Variants in SHOC1 observed in about 807,000 individuals in gnomAD.
The protein encoded by SHOC1 is shortage in chiasmata 1, also known as protein shortage in chiasmata 1 ortholog.
A neutral mutation model predicts 179.2 loss-of-function variants in SHOC1; 136 were observed. The observed-to-expected ratio is 0.76, with a 90% CI of 0.66 to 0.87. The LOEUF is 0.87. Among genes scored for constraint, SHOC1 ranks in the 40% least tolerant of loss-of-function variants. SHOC1 has a pLI of 0.00. For missense variants in SHOC1, 1,538 were observed against 1,700.8 expected (o/e 0.90, Z 1.68); for synonymous variants, 489 against 586.6 (o/e 0.83, Z 2.41).
chr9:111,704,334 T>G (rs556900684), intron 21 of SHOC1, among the ~76,000 whole-genome samples: 1 of 152,274 alleles, frequency 6.6e-6, no homozygotes. Context: ...CAGAATTTCC[T>G]TTTTTTATTC....
At chr9:111,770,632 G>A (rs1052153549) in intron 5 of SHOC1, among the ~76,000 whole-genome samples, 1 of 152,048 alleles carries the variant, frequency 6.6e-6, no homozygotes, top group Non-Finnish European at 1.5e-5. Context: ...TGAGAGTGGG[G>A]TGTTAAAGTC....
chr9:111,747,251 A>G (rs1443901475), intron 9 of SHOC1, among the ~76,000 whole-genome samples: 2 of 152,188 alleles, frequency 1.3e-5, no homozygotes, highest in Non-Finnish European at 2.9e-5. Flanking sequence ...AGATCCAATT[A>G]TAAATGTAAT....
At chr9:111,691,504 TA>T (rs747850388) in intron 27 of SHOC1, 46 bp downstream of exon 27, 1 of 1,499,920 alleles carries the variant, frequency 6.7e-7, no homozygotes, top group Admixed American at 2.3e-5. Context: ...TTTTATCTTT[TA>T]AAATTAAATT....
intron 5 of SHOC1, among the ~76,000 whole-genome samples, chr9:111,771,145 T>C (rs1835590873): frequency 6.6e-6 from 1 of 152,176 alleles, no homozygotes; most frequent in Non-Finnish European, 1.5e-5. Flanking sequence ...TTTAATTTGT[T>C]GTTTTTTATT....
At chr9:111,780,367 G>A (rs1011358264) in intron 4 of SHOC1, among the ~76,000 whole-genome samples, 10 of 152,140 alleles carry the variant, frequency 6.6e-5, no homozygotes, top group Non-Finnish European at 8.8e-5. Flanking sequence ...TTATGCCTAC[G>A]TTTACAATGT....
intron 3 of SHOC1, among the ~76,000 whole-genome samples, chr9:111,783,963 AG>A (rs1836173673): frequency 6.6e-6 from 1 of 151,896 alleles, no homozygotes; most frequent in Non-Finnish European, 1.5e-5. Context: ...CTGAGATCAA[AG>A]GACGTGCTAG....
In SHOC1 at chr9:111,691,873, C is replaced by T; in HGVS notation, c.4104G>A (p.Glu1368=). The T allele has an allele frequency of 1.9e-6, 3 of 1,613,796 alleles. No individual in the cohort carries two copies. Among genetic ancestry groups the T allele is most frequent in the South Asian group, 1.1e-5 (1 of 91,054 alleles). The part of the protein sequence containing the change: ...WNFKKNIWEQ[E]NHPFNLQYGA... ...CATATTGTAAGTTGAACGGGTGATT[C>T]TCTTGTTCCCATATATTTTTCTTAA... Residue 1368 remains glutamate (E), a synonymous_variant, in exon 27 of 28, where the codon GAG becomes GAA. Coordinates refer to ENST00000682961, the MANE Select transcript of SHOC1 (RefSeq NM_001378211.1).
At chr9:111,753,569 G>C (rs1202670721) in intron 8 of SHOC1, among the ~76,000 whole-genome samples, 1 of 152,064 alleles carries the variant, frequency 6.6e-6, no homozygotes, top group African/African-American at 2.4e-5. Flanking sequence ...CAAAATACTA[G>C]TAAATTGTAT....
At position 111,748,096 on chromosome 9, in the gene SHOC1, T is replaced by C; in HGVS notation, c.966A>G (p.Lys322=). Residue 322 remains lysine, a synonymous_variant, in exon 9 of 28, where the codon AAA becomes AAG. Transcript: ENST00000682961. ...ATGATTTATCAAAATTTCTACCTGG[T>C]TTACTGCACTCTTCTGGTTCACTCT... ...QSQSEPEECS[K]PGELEMPLTP... 1 of 1,610,020 alleles carries C rather than the reference T, an allele frequency of 6.2e-7. No homozygotes were observed. Among genetic ancestry groups the C allele is most frequent in the Middle Eastern group, 1.7e-4 (1 of 6,054 alleles).
At chr9:111,714,718 G>T in intron 16 of SHOC1, 95 bp from the exon 17 acceptor site, 1 of 1,103,968 alleles carries the variant, frequency 9.1e-7, no homozygotes. Flanking sequence ...TCAAAGCAGA[G>T]ACAGTTAAAA....
rs1452730011 is a variant in SHOC1 at position 111,705,164 on chromosome 9, T to TACACACACACACAC, written c.2855+82_2855+83insGTGTGTGTGTGTGT. 23 of 81,410 alleles carry TACACACACACACAC rather than the reference T, an allele frequency of 2.8e-4. No homozygotes were observed. In the Admixed American group the frequency reaches 3.9e-3, roughly 14 times the overall value. The allele number at this position is 81,410 out of a possible 1,614,324, so 5.0% of individuals were successfully genotyped here. A position where few individuals can be genotyped will look rare whatever the true frequency, so the allele number is the denominator to read the frequency against. On this transcript the variant is annotated intron_variant, in intron 21 of 27. Transcript: ENST00000682961. ...CAGCATAATATTTAGCCTATCAGAA[T>TACACACACACACAC]ATATATACACACACACACACACACA...
intron 5 of SHOC1, among the ~76,000 whole-genome samples, chr9:111,771,593 T>C (rs1225666949): frequency 6.6e-6 from 1 of 152,190 alleles, no homozygotes; most frequent in East Asian, 1.9e-4. Context: ...TACTGTAAGA[T>C]GATGGGTCTG....
chr9:111,687,802 A>T (rs1831246260), intron 27 of SHOC1, among the ~76,000 whole-genome samples: 3 of 142,988 alleles, frequency 2.1e-5, no homozygotes, highest in South Asian at 2.2e-4. Context: ...CCTATTCCTG[A>T]CTGTGGCTTT....
intron 15 of SHOC1, among the ~76,000 whole-genome samples, chr9:111,721,165 T>A (rs1833029142): frequency 6.6e-6 from 1 of 152,164 alleles, no homozygotes; most frequent in Non-Finnish European, 1.5e-5. Flanking sequence ...TGAGGCAAGA[T>A]TTTTCTGAGT....
At chr9:111,751,491 A>T (rs1346672326) in intron 8 of SHOC1, among the ~76,000 whole-genome samples, 1 of 152,202 alleles carries the variant, frequency 6.6e-6, no homozygotes, top group Non-Finnish European at 1.5e-5. Flanking sequence ...CATTATCATT[A>T]ATTTTATAAT....
In SHOC1 at chr9:111,714,629, G is replaced by GAAA; in HGVS notation, c.2237-7_2237-6insTTT. The GAAA allele has an allele frequency of 6.3e-7, 1 of 1,596,180 alleles. No homozygotes were observed. The highest frequency in any genetic ancestry group is 8.5e-7 in the Non-Finnish European group (1 of 1,175,406). The stretch of plus-strand genomic sequence containing the variant: ...TTTTGCCTTCGACAAATATCCTATT[G>GAAA]AAGCAAAATTAGAAAAAAATTGTCT... On this transcript the variant is annotated splice_polypyrimidine_tract_variant and splice_region_variant and intron_variant, in intron 16 of 27. Transcript: ENST00000682961.
intron 21 of SHOC1, 67 bp downstream of exon 21, chr9:111,705,168 TATACACACACAC>T: frequency 7.9e-6 from 4 of 509,010 alleles, no homozygotes; most frequent in Non-Finnish European, 1.4e-5. Flanking sequence ...TCAGAATATA[TATACACACACAC>T]ACACACACAC....
chr9:111,777,022 G>A (rs1835861357), intron 4 of SHOC1, among the ~76,000 whole-genome samples: 1 of 152,164 alleles, frequency 6.6e-6, no homozygotes, highest in Non-Finnish European at 1.5e-5. Flanking sequence ...GGCTTGGGAA[G>A]TGGGGAGTGC....
intron 5 of SHOC1, among the ~76,000 whole-genome samples, chr9:111,764,444 A>G (rs1365756896): frequency 6.6e-6 from 1 of 152,190 alleles, no homozygotes. Context: ...CACTGTGGAT[A>G]AGGGGGGACT....
Sources: allele counts gnomAD v4.1 joint callset (sites outside exome capture counted in the v4.1 genomes callset), GRCh38; gene constraint gnomAD v4.1.1; transcripts MANE v1.5; gene names NCBI Gene and HGNC (gene_info 2026-07-23, HGNC 2026-07-21).